CAMK1D: variants seen among roughly 807,000 people sequenced by gnomAD.
CAMK1D encodes the protein calcium/calmodulin dependent protein kinase ID.
Under a neutral mutation model 47.7 loss-of-function variants are expected in CAMK1D, and 9 were observed. That is an observed-to-expected ratio of 0.19 (90% CI 0.11 to 0.33). The LOEUF (loss-of-function observed/expected upper bound fraction) is 0.33, where lower values mean the gene tolerates loss of function less well. Ranked by LOEUF, CAMK1D falls within the 10% of genes least tolerant of loss-of-function variation. The probability of loss-of-function intolerance (pLI) is 1.00; values close to 1 mark genes in which losing one functional copy is unlikely to be tolerated. For synonymous variants in CAMK1D, 184 were observed against 184.9 expected (o/e 0.99, Z 0.04); for missense variants, 291 against 488.7 (o/e 0.60, Z 3.81).
intron 1 of CAMK1D, among the ~76,000 whole-genome samples, chr10:12,389,725 C>T (rs1011122497): frequency 5.3e-5 from 8 of 152,140 alleles, no homozygotes; most frequent in African/African-American, 1.9e-4. Flanking sequence ...ATGAAAACGC[C>T]CTCTCTGGAC....
chr10:12,585,389 G>T (rs1837785373), intron 2 of CAMK1D, among the ~76,000 whole-genome samples: 1 of 152,194 alleles, frequency 6.6e-6, no homozygotes, highest in Admixed American at 6.5e-5. Flanking sequence ...TTCTGACCCT[G>T]TAGTTGTTTC....
chr10:12,798,441 C>T (rs1838286085), intron 6 of CAMK1D, among the ~76,000 whole-genome samples: 1 of 152,198 alleles, frequency 6.6e-6, no homozygotes, highest in East Asian at 1.9e-4. Context: ...TCTAGTCTTA[C>T]CAGCTGCCTG....
intron 1 of CAMK1D, among the ~76,000 whole-genome samples, chr10:12,459,225 A>G (rs1291056937): frequency 6.6e-6 from 1 of 152,182 alleles, no homozygotes; most frequent in Non-Finnish European, 1.5e-5. Flanking sequence ...GATAAGTTTC[A>G]AATAAAAAAA....
chr10:12,743,565 C>T (rs1365156431), intron 3 of CAMK1D, among the ~76,000 whole-genome samples: 1 of 152,136 alleles, frequency 6.6e-6, no homozygotes, highest in Non-Finnish European at 1.5e-5. Flanking sequence ...CAACTCAGTA[C>T]AGTACTTTAA....
intron 1 of CAMK1D, among the ~76,000 whole-genome samples, chr10:12,459,514 C>A (rs1461630781): frequency 6.6e-6 from 1 of 152,050 alleles, no homozygotes; most frequent in Non-Finnish European, 1.5e-5. Flanking sequence ...AAAAAAAAAC[C>A]CACGCATACA....
chr10:12,750,870 G>A (rs1835912065), intron 3 of CAMK1D, among the ~76,000 whole-genome samples: 1 of 152,124 alleles, frequency 6.6e-6, no homozygotes, highest in Non-Finnish European at 1.5e-5. Flanking sequence ...GGCCAACTTG[G>A]CAAAACCATG....
chr10:12,575,750 C>T (rs1268027130), intron 2 of CAMK1D, among the ~76,000 whole-genome samples: 9 of 152,316 alleles, frequency 5.9e-5, no homozygotes, highest in South Asian at 4.1e-4. Context: ...CAAGAATTCG[C>T]GCTCCTCTGC....
At chr10:12,477,863 G>A (rs1453368500) in intron 1 of CAMK1D, among the ~76,000 whole-genome samples, 2 of 152,184 alleles carry the variant, frequency 1.3e-5, no homozygotes, top group Non-Finnish European at 2.9e-5. Flanking sequence ...CAGTGGTGGT[G>A]TTGGATCCCA....
chr10:12,551,525 C>T (rs1029413400), intron 1 of CAMK1D, among the ~76,000 whole-genome samples: 5 of 152,074 alleles, frequency 3.3e-5, no homozygotes, highest in Admixed American at 3.3e-4. Context: ...GAGGTCGAGG[C>T]GAGTGAATCA....
chr10:12,506,526 T>G (rs1332715560), intron 1 of CAMK1D, among the ~76,000 whole-genome samples: 2 of 152,136 alleles, frequency 1.3e-5, no homozygotes, highest in African/African-American at 2.4e-5. Context: ...CTCTTTCTTT[T>G]TTTTTTGAGA....
intron 1 of CAMK1D, among the ~76,000 whole-genome samples, chr10:12,450,713 C>T (rs191978932): frequency 7.4e-4 from 112 of 152,270 alleles, no homozygotes; most frequent in Non-Finnish European, 1.3e-3. Flanking sequence ...AATGCCATTT[C>T]GAGTTACAGT....
intron 3 of CAMK1D, among the ~76,000 whole-genome samples, chr10:12,711,455 A>G (rs1833933228): frequency 6.6e-6 from 1 of 152,212 alleles, no homozygotes. Flanking sequence ...GCTCTCACGT[A>G]TTCCCTTCAT....
intron 3 of CAMK1D, among the ~76,000 whole-genome samples, chr10:12,729,665 G>A (rs1448828281): frequency 6.6e-6 from 1 of 152,180 alleles, no homozygotes; most frequent in African/African-American, 2.4e-5. Context: ...GGATTAAGTG[G>A]TGTAGAGAGA....
intron 3 of CAMK1D, among the ~76,000 whole-genome samples, chr10:12,715,020 C>G (rs898099302): frequency 6.6e-6 from 1 of 151,996 alleles, no homozygotes; most frequent in South Asian, 2.1e-4. Context: ...AACCAAAGTC[C>G]CCCTACTCTG....
chr10:12,584,873 G>A (rs566252585), intron 2 of CAMK1D, among the ~76,000 whole-genome samples: 2 of 152,208 alleles, frequency 1.3e-5, no homozygotes, highest in Admixed American at 6.5e-5. Context: ...AATTAAAATC[G>A]AGGTTCCTTG....
intron 2 of CAMK1D, among the ~76,000 whole-genome samples, chr10:12,555,077 G>A (rs1184510640): frequency 6.6e-6 from 1 of 152,226 alleles, no homozygotes; most frequent in Non-Finnish European, 1.5e-5. Flanking sequence ...AAATATCCTT[G>A]AAATTTTTGG....
chr10:12,811,178 A>G (rs757985185), intron 6 of CAMK1D, among the ~76,000 whole-genome samples: 7 of 152,256 alleles, frequency 4.6e-5, no homozygotes, highest in Non-Finnish European at 8.8e-5. Context: ...ATTGCCTTTG[A>G]GGACCCTTGG....
intron 2 of CAMK1D, among the ~76,000 whole-genome samples, chr10:12,603,072 G>A (rs1027349583): frequency 6.6e-6 from 1 of 151,720 alleles, no homozygotes; most frequent in Non-Finnish European, 1.5e-5. Flanking sequence ...CACTGCACCC[G>A]GCTAATTTTT....
chr10:12,403,003 C>G (rs1839282485), intron 1 of CAMK1D, among the ~76,000 whole-genome samples: 1 of 151,990 alleles, frequency 6.6e-6, no homozygotes, highest in Admixed American at 6.6e-5. Context: ...TTATAACCTG[C>G]AAGCAGGCTT....
Sources: allele counts gnomAD v4.1 joint callset (sites outside exome capture counted in the v4.1 genomes callset), GRCh38; gene constraint gnomAD v4.1.1; transcripts MANE v1.5; gene names NCBI Gene and HGNC (gene_info 2026-07-23, HGNC 2026-07-21).